The following OTUD7B variants were observed in gnomAD, a reference collection of about 807,000 sequenced individuals.
The protein encoded by OTUD7B is OTU deubiquitinase 7B, also known as OTU domain-containing protein 7B.
Under a neutral mutation model 82.2 loss-of-function variants are expected in OTUD7B, and 34 were observed. That is an observed-to-expected ratio of 0.41 (90% CI 0.31 to 0.55). OTUD7B has a LOEUF of 0.55. OTUD7B is among the 20% of genes least tolerant of loss of function. The pLI, the probability that OTUD7B is intolerant of heterozygous loss-of-function variation, is 0.20. For missense variants in OTUD7B, 944 were observed against 1,062.1 expected (o/e 0.89, Z 1.55); for synonymous variants, 398 against 402.7 (o/e 0.99, Z 0.14).
chr1:149,968,249 C>G (rs1368291268), intron 3 of OTUD7B, among the ~76,000 whole-genome samples: 1 of 98,062 alleles, frequency 1.0e-5, no homozygotes, highest in Admixed American at 1.4e-4. Context: ...GACAACAGAG[C>G]AAGACCCCGT....
At chr1:149,993,105 C>T (rs782627857) in intron 1 of OTUD7B, among the ~76,000 whole-genome samples, 1 of 152,082 alleles carries the variant, frequency 6.6e-6, no homozygotes, top group Non-Finnish European at 1.5e-5. Context: ...GAGCTGAGAT[C>T]GCACCACTGT....
chr1:150,023,980 T>C, the OTUD7B span, among the ~76,000 whole-genome samples: 32 of 152,364 alleles, frequency 2.1e-4, no homozygotes, highest in African/African-American at 7.5e-4. Flanking sequence ...ATGACATAAT[T>C]GAACAAGCAC....
chr1:150,038,338 T>C, the OTUD7B span, among the ~76,000 whole-genome samples: 1 of 152,126 alleles, frequency 6.6e-6, no homozygotes, highest in South Asian at 2.1e-4. Context: ...CTCTATTTAG[T>C]ATCCAAGTTT....
the OTUD7B span, among the ~76,000 whole-genome samples, chr1:150,019,558 G>A: frequency 6.6e-6 from 1 of 152,034 alleles, no homozygotes; most frequent in Non-Finnish European, 1.5e-5. Context: ...GTAGAAATGG[G>A]GTTTCACCAT....
chr1:149,990,063 A>G (rs985939195), intron 1 of OTUD7B, among the ~76,000 whole-genome samples: 1 of 152,194 alleles, frequency 6.6e-6, no homozygotes, highest in African/African-American at 2.4e-5. Flanking sequence ...AAGTTGGTCT[A>G]CCATCTACCA....
chr1:149,998,714 A>C (rs1286386914), intron 1 of OTUD7B, among the ~76,000 whole-genome samples: 1 of 152,210 alleles, frequency 6.6e-6, no homozygotes, highest in Non-Finnish European at 1.5e-5. Flanking sequence ...ATAATTAGTG[A>C]GTTCTTAATG....
rs1330386443 is a variant in OTUD7B, at chr1:149,944,125, G to C, written c.2264C>G (p.Ser755Cys). The C allele has an allele frequency of 1.2e-6, 2 of 1,614,066 alleles. No individual in the cohort carries two copies. The highest frequency in any genetic ancestry group is 1.7e-6 in the Non-Finnish European group (2 of 1,179,974). The change falls in exon 12 of 12, where the codon TCT becomes TGT. Residue 755 changes from serine to cysteine, a missense_variant. Physicochemically the swap from Ser to Cys is moderately radical, Grantham distance 112. Coordinates refer to ENST00000581312, the MANE Select transcript of OTUD7B (RefSeq NM_020205.4). ...SIPSLEPGSH[S>C]KDGLHRGALL... ...GGCACCCCTGTGAAGTCCATCCTTAGAGTGGCTGCCTGGCTCCAGAGAAGG... is the reference window on the plus strand; with the variant it reads ...GGCACCCCTGTGAAGTCCATCCTTACAGTGGCTGCCTGGCTCCAGAGAAGG...
intron 3 of OTUD7B, among the ~76,000 whole-genome samples, chr1:149,968,242 A>C (rs1387018779): frequency 1.4e-5 from 2 of 139,474 alleles, no homozygotes. Flanking sequence ...CCTGCCTGAC[A>C]ACAGAGCAAG....
At chr1:150,031,542 A>G in the OTUD7B span, among the ~76,000 whole-genome samples, 2 of 152,256 alleles carry the variant, frequency 1.3e-5, no homozygotes, top group African/African-American at 4.8e-5. Flanking sequence ...TAATTATAAA[A>G]TACATTTTTA....
At chr1:149,974,168 C>A (rs1373574654) in intron 2 of OTUD7B, among the ~76,000 whole-genome samples, 2 of 152,078 alleles carry the variant, frequency 1.3e-5, no homozygotes, top group East Asian at 3.9e-4. Context: ...TGGGTTCAGG[C>A]GATTCTCACG....
chr1:149,974,847 G>A (rs1418091936), intron 2 of OTUD7B, among the ~76,000 whole-genome samples: 1 of 125,258 alleles, frequency 8.0e-6, no homozygotes, highest in Non-Finnish European at 1.6e-5. Flanking sequence ...ACTGCACCCA[G>A]CCTCTTTCTT....
chr1:150,021,924 C>T, the OTUD7B span, among the ~76,000 whole-genome samples: 1 of 152,198 alleles, frequency 6.6e-6, no homozygotes, highest in South Asian at 2.1e-4. Context: ...GAAACAACAT[C>T]TAATCCAGTC....
rs1004186117 is a variant in OTUD7B, at chr1:149,938,615, A to G, written c.*5242T>C. The stretch of plus-strand genomic sequence containing the variant: ...GTGGAGACAGTGGAGGAACACGGAG[A>G]AAAAAAATCGGGGGGTAGGGGTGTG... On this transcript the variant is annotated 3_prime_UTR_variant, in exon 12 of 12. Coordinates refer to ENST00000581312, the MANE Select transcript of OTUD7B (RefSeq NM_020205.4). The G allele has an allele frequency of 6.6e-6, 1 of 151,434 alleles. No individual in the cohort carries two copies. The highest frequency in any genetic ancestry group is 1.5e-5 in the Non-Finnish European group (1 of 68,028). 9.4% of individuals were successfully genotyped at this position (151,434 alleles called of 1,614,324 possible).
chr1:149,964,663 G>T (rs1001231559), intron 5 of OTUD7B, among the ~76,000 whole-genome samples: 25 of 151,950 alleles, frequency 1.6e-4, no homozygotes, highest in African/African-American at 6.0e-4. Context: ...GTGTGTTCTT[G>T]GCTTACCGCA....
chr1:150,035,861 G>A, the OTUD7B span, among the ~76,000 whole-genome samples: 1 of 151,784 alleles, frequency 6.6e-6, no homozygotes, highest in Admixed American at 6.6e-5. Context: ...CATCACAACT[G>A]CCTCTCCCAT....
rs189895942 is a variant in OTUD7B, at chr1:149,981,979, C to G, written c.-66-4403G>C. ...CCTGGCTAACACGGTGAAACCCTGT[C>G]TCTACTACAAATACAAAAAATTAGC... is the stretch of plus-strand genomic sequence containing the variant. On this transcript the variant is annotated intron_variant, in intron 1 of 11. Transcript: ENST00000581312. 3.2e-3 allele frequency among the ~76,000 whole-genome samples: 493 copies of G among 152,128 alleles called. 1 individual carries two copies. The highest frequency in any genetic ancestry group is 7.8e-3 in the Admixed American group (119 of 15,276).
At chr1:149,995,185 C>T (rs1219175546) in intron 1 of OTUD7B, among the ~76,000 whole-genome samples, 1 of 152,216 alleles carries the variant, frequency 6.6e-6, no homozygotes, top group Non-Finnish European at 1.5e-5. Flanking sequence ...GGGTTAGATA[C>T]ATCCACATAA....
At chr1:150,064,918 G>C in the OTUD7B span, among the ~76,000 whole-genome samples, 1 of 152,132 alleles carries the variant, frequency 6.6e-6, no homozygotes, top group Non-Finnish European at 1.5e-5. Flanking sequence ...TTGAAGCCTT[G>C]AGCTCTGGTG....
rs587724837 is a variant in OTUD7B at position 149,940,925 on chromosome 1, C to T, written c.*2932G>A. Reference sequence around the variant, plus strand: ...TGAAGCAAAACAAACTTCACTATCTCCTATAAAAAATATCCATTGTCTCAG... The same window carrying T: ...TGAAGCAAAACAAACTTCACTATCTTCTATAAAAAATATCCATTGTCTCAG... On this transcript the variant is annotated 3_prime_UTR_variant, in exon 12 of 12. Transcript: ENST00000581312. 1 of 151,940 alleles carries T rather than the reference C, an allele frequency of 6.6e-6. No individual in the cohort carries two copies. Among genetic ancestry groups the T allele is most frequent in the East Asian group, 1.9e-4 (1 of 5,158 alleles). The allele number at this position is 151,940 out of a possible 1,614,324, so 9.4% of individuals were successfully genotyped here.
Sources: allele counts gnomAD v4.1 joint callset (sites outside exome capture counted in the v4.1 genomes callset), GRCh38; gene constraint gnomAD v4.1.1; transcripts MANE v1.5; gene names NCBI Gene and HGNC (gene_info 2026-07-23, HGNC 2026-07-21).